Variants in ZFC3H1 observed in about 807,000 individuals in gnomAD.
ZFC3H1 encodes the protein zinc finger C3H1-type containing.
In ZFC3H1, 71 loss-of-function variants were observed where a neutral mutation model predicts 243.7. That is an observed-to-expected ratio of 0.29 (90% CI 0.24 to 0.36). The LOEUF is 0.36. ZFC3H1 is among the 10% of genes least tolerant of loss of function. The pLI is 1.00. For missense variants in ZFC3H1, 1,966 were observed against 2,317.1 expected (o/e 0.85, Z 3.11); for synonymous variants, 838 against 813.0 (o/e 1.03, Z -0.52).
chr12:71,654,469 T>C (rs958552407), intron 2 of ZFC3H1, among the ~76,000 whole-genome samples: 6 of 152,280 alleles, frequency 3.9e-5, no homozygotes, highest in African/African-American at 1.2e-4. Flanking sequence ...AATATATTTA[T>C]ACATATATAA....
chr12:71,628,159 GAGTAAT>G (rs1341232735), intron 20 of ZFC3H1, among the ~76,000 whole-genome samples: 1 of 152,104 alleles, frequency 6.6e-6, no homozygotes, highest in Non-Finnish European at 1.5e-5. Flanking sequence ...AGAACAAAAG[GAGTAAT>G]TAGAACTCTG....
At position 71,619,909 on chromosome 12, in the gene ZFC3H1, T is replaced by C. The variant is rs1450689065; in HGVS notation, c.5049+17A>G. On this transcript the variant is annotated intron_variant, in intron 26 of 34. Transcript: ENST00000378743. ...AACATAAAAGCATCATATTTAAGAA[T>C]TATGCATCATTTTTACCTGTAAGAT... 1 of 1,568,740 alleles carries C rather than the reference T, an allele frequency of 6.4e-7. No individual in the cohort carries two copies. The highest frequency in any genetic ancestry group is 2.3e-5 in the East Asian group (1 of 44,262).
chr12:71,620,231 G>A lies in ZFC3H1; in HGVS notation c.4829C>T (p.Ala1610Val), dbSNP rs749593971. 1.9e-6 allele frequency: 3 copies of A among 1,614,046 alleles called. No homozygotes were observed. The highest frequency in any genetic ancestry group is 2.5e-6 in the Non-Finnish European group (3 of 1,180,034). The change falls in exon 25 of 35, where the codon GCT (alanine) becomes GTT (valine). Residue 1610 changes from alanine (A) to valine (V), a missense_variant. This residue lies in a region of ZFC3H1 where 1,383 missense variants were observed against 1,723.7 expected (regional missense o/e 0.80). Coordinates refer to ENST00000378743, the MANE Select transcript of ZFC3H1 (RefSeq NM_144982.5). ...GTACCTCTCCAGGAGTTGGTGCAGA[G>A]CAATCATGTTTGTGTAAAGTGGAAG... ...ACLPLYTNMI[A>V]LHQLLERYEA... is the part of the protein sequence containing the mutation.
chr12:71,654,889 G>A (rs1880979067), intron 2 of ZFC3H1, among the ~76,000 whole-genome samples: 1 of 151,990 alleles, frequency 6.6e-6, no homozygotes, highest in Non-Finnish European at 1.5e-5. Flanking sequence ...AAGATGATGT[G>A]GCTATTAATA....
Position 71,617,876 on chromosome 12 carries a change from A to C in ZFC3H1, c.5144+1439T>G, listed in dbSNP as rs529711502. ...GAAGGGCACTAAAATCGCTATGGCA[A>C]TAAACTGGCTACCATAAGAGGACAT... On this transcript the variant is annotated intron_variant, in intron 27 of 34. Transcript: ENST00000378743. Among the ~76,000 whole-genome samples, 3 of 152,348 alleles carry C rather than the reference A, an allele frequency of 2.0e-5. No individual in the cohort carries two copies. In the South Asian group the frequency reaches 6.2e-4, roughly 32 times the overall value.
chr12:71,628,509 A>T (rs1198003650), intron 20 of ZFC3H1, among the ~76,000 whole-genome samples: 2 of 152,230 alleles, frequency 1.3e-5, no homozygotes, highest in African/African-American at 4.8e-5. Context: ...TCATTTGTTC[A>T]TTCTCATCTT....
In ZFC3H1 at chr12:71,629,660, C is replaced by T. The variant is rs1219882786; in HGVS notation, c.3775G>A (p.Asp1259Asn). 1.9e-6 allele frequency: 3 copies of T among 1,613,138 alleles called. No individual in the cohort carries two copies. The highest frequency in any genetic ancestry group is 2.2e-5 in the South Asian group (2 of 91,048). ...CTAACAAGGAGAACAGCCATCTGGT[C>T]CATTGACATTCGATCTTTGTTTACT... The part of the protein sequence containing the change: ...FGVNKDRMSM[D>N]QMAVLLVSNI... Residue 1259 changes from aspartate (D) to asparagine (N), a missense_variant, in exon 19 of 35, where the codon GAC becomes AAC. Around this residue, in one of 4 missense-constraint regions of ZFC3H1, gnomAD observed 1,383 missense variants for 1,723.7 expected, o/e 0.80. Coordinates refer to ENST00000378743, the MANE Select transcript of ZFC3H1 (RefSeq NM_144982.5).
chr12:71,617,250 C>A (rs942731159), intron 27 of ZFC3H1, among the ~76,000 whole-genome samples: 11 of 152,142 alleles, frequency 7.2e-5, no homozygotes, highest in Non-Finnish European at 1.2e-4. Flanking sequence ...TATGGCAATG[C>A]CAAAAATGGT....
At chr12:71,617,273 C>T (rs1039837342) in intron 27 of ZFC3H1, among the ~76,000 whole-genome samples, 1 of 152,204 alleles carries the variant, frequency 6.6e-6, no homozygotes, top group African/African-American at 2.4e-5. Context: ...CATCTATCGT[C>T]ATTCTCCTAA....
chr12:71,632,600 T>G (rs1880351579), intron 14 of ZFC3H1, 86 bp from the exon 15 acceptor site: 7 of 1,421,236 alleles, frequency 4.9e-6, no homozygotes, highest in Non-Finnish European at 5.6e-6. Context: ...ATCCCCACCA[T>G]ACAATGCCAA....
Position 71,633,393 on chromosome 12 carries a change from T to C in ZFC3H1, c.2556A>G (p.Gln852=), listed in dbSNP as rs1265806122. The change falls in exon 13 of 35, where the codon CAA becomes CAG. Residue 852 remains glutamine, a synonymous_variant. Coordinates refer to ENST00000378743, the MANE Select transcript of ZFC3H1 (RefSeq NM_144982.5). ...KDESVLKNLV[Q]QEAKKKESVR... ...CAGATTCTTTCTTCTTAGCTTCTTG[T>C]TGCACTAAATTCTTTAAAACAGATT... 7 of 1,588,750 alleles carry C rather than the reference T, an allele frequency of 4.4e-6. No homozygotes were observed. The highest frequency in any genetic ancestry group is 5.1e-6 in the Non-Finnish European group (6 of 1,168,160).
intron 2 of ZFC3H1, 100 bp downstream of exon 2, chr12:71,656,785 G>T: frequency 1.6e-6 from 2 of 1,227,232 alleles, no homozygotes; most frequent in Non-Finnish European, 1.1e-6. Context: ...AGAATTTACA[G>T]ATAATTACAA....
intron 27 of ZFC3H1, among the ~76,000 whole-genome samples, chr12:71,616,150 TAGTC>T (rs1428878486): frequency 3.3e-5 from 5 of 151,936 alleles, no homozygotes; most frequent in East Asian, 1.9e-4. Flanking sequence ...ATACAAAAAT[TAGTC>T]AGGTGTGGTG....
At chr12:71,623,959 G>T in intron 23 of ZFC3H1, 145 bp downstream of exon 23, 1 of 783,390 alleles carries the variant, frequency 1.3e-6, no homozygotes, top group Non-Finnish European at 2.0e-6. Context: ...CTTACCCAAT[G>T]TCACATGACT....
chr12:71,655,932 G>A (rs1362013852), intron 2 of ZFC3H1, among the ~76,000 whole-genome samples: 2 of 152,136 alleles, frequency 1.3e-5, no homozygotes, highest in African/African-American at 4.8e-5. Context: ...TTGGGAAATG[G>A]ATGAACTACA....
intron 4 of ZFC3H1, 82 bp from the exon 5 acceptor site, chr12:71,644,400 T>C: frequency 7.1e-7 from 1 of 1,410,800 alleles, no homozygotes; most frequent in Non-Finnish European, 9.5e-7. Context: ...TTTTCATTAT[T>C]GATTAATCAG....
intron 2 of ZFC3H1, among the ~76,000 whole-genome samples, chr12:71,649,546 G>A (rs889600056): frequency 1.3e-5 from 2 of 151,832 alleles, no homozygotes; most frequent in African/African-American, 4.8e-5. Context: ...GTTTTTGAGT[G>A]TTGTTCCTCT....
rs138383333 is a variant in ZFC3H1 at position 71,628,211 on chromosome 12, C to T, written c.3947-277G>A. On this transcript the variant is annotated intron_variant, in intron 20 of 34. Coordinates refer to ENST00000378743, the MANE Select transcript of ZFC3H1 (RefSeq NM_144982.5). ...GCTAAGTGACATTACCTTTTCAGTC[C>T]ACTTAACAGTAACTATGATTCAACT... Among the ~76,000 whole-genome samples, 1,019 of 152,278 alleles carry T rather than the reference C, an allele frequency of 6.7e-3. 4 individuals carry two copies. The highest frequency in any genetic ancestry group is 0.017 in the Middle Eastern group (5 of 294).
chr12:71,633,514 G>T, intron 12 of ZFC3H1, 76 bp from the exon 13 acceptor site: 1 of 1,215,988 alleles, frequency 8.2e-7, no homozygotes, highest in Non-Finnish European at 1.1e-6. Flanking sequence ...AATTTTCAAA[G>T]TAATAACACA....
Sources: allele counts gnomAD v4.1 joint callset (sites outside exome capture counted in the v4.1 genomes callset), GRCh38; gene constraint gnomAD v4.1.1; regional missense constraint gnomAD v4.1.1; transcripts MANE v1.5; gene names NCBI Gene and HGNC (gene_info 2026-07-23, HGNC 2026-07-21).